DNAH5: variants seen among roughly 807,000 people sequenced by gnomAD.
The protein encoded by DNAH5 is axonemal beta dynein heavy chain 5.
Under a neutral mutation model 518.2 loss-of-function variants are expected in DNAH5, and 372 were observed. The observed-to-expected ratio is 0.72, with a 90% CI of 0.66 to 0.78. DNAH5 has a LOEUF of 0.78. Among genes scored for constraint, DNAH5 ranks in the 30% least tolerant of loss-of-function variants. The pLI, the probability that DNAH5 is intolerant of heterozygous loss-of-function variation, is 0.00. For synonymous variants in DNAH5, 2,039 were observed against 2,025.9 expected (o/e 1.01, Z -0.17); for missense variants, 5,523 against 5,687.0 (o/e 0.97, Z 0.93).
chr5:13,727,749 C>A (rs1407983226), intron 69 of DNAH5, 93 bp from the exon 70 acceptor site: 4 of 1,331,506 alleles, frequency 3.0e-6, no homozygotes, highest in Non-Finnish European at 3.2e-6. Flanking sequence ...TCTGACCTCT[C>A]CAGATATGTG....
chr5:13,901,961 A>T, intron 13 of DNAH5, 92 bp downstream of exon 13: 1 of 991,338 alleles, frequency 1.0e-6, no homozygotes, highest in African/African-American at 1.6e-5. Context: ...TTTCCTTTCC[A>T]TCAGAATATG....
intron 1 of DNAH5, among the ~76,000 whole-genome samples, chr5:13,988,018 GA>G (rs1783183927): frequency 6.6e-6 from 1 of 152,100 alleles, no homozygotes; most frequent in Non-Finnish European, 1.5e-5. Context: ...CATTTCATGG[GA>G]AGCCGCTAGG....
chr5:13,816,414 G>C (rs535293081), intron 42 of DNAH5, among the ~76,000 whole-genome samples: 1 of 152,098 alleles, frequency 6.6e-6, no homozygotes, highest in East Asian at 1.9e-4. Context: ...AACAACCGTG[G>C]GATAGTCTAT....
At chr5:13,907,961 T>C (rs1042545905) in intron 12 of DNAH5, among the ~76,000 whole-genome samples, 10 of 152,180 alleles carry the variant, frequency 6.6e-5, no homozygotes, top group African/African-American at 2.2e-4. Context: ...ATGGGTTTGA[T>C]TTCAGATAAT....
intron 43 of DNAH5, 26 bp from the exon 44 acceptor site, chr5:13,811,849 C>A: frequency 6.2e-7 from 1 of 1,612,782 alleles, no homozygotes; most frequent in South Asian, 1.1e-5. Flanking sequence ...CAAGTGTATT[C>A]ATGAAACTTA....
At chr5:13,749,611 T>C (rs954039300) in intron 65 of DNAH5, among the ~76,000 whole-genome samples, 4 of 152,170 alleles carry the variant, frequency 2.6e-5, no homozygotes, top group African/African-American at 9.7e-5. Flanking sequence ...ATTCATTCAG[T>C]TGAATATAAG....
intron 11 of DNAH5, among the ~76,000 whole-genome samples, chr5:13,912,738 T>C (rs1287482279): frequency 6.6e-6 from 1 of 151,870 alleles, no homozygotes. Flanking sequence ...GTAGTAATTT[T>C]AAAGATTTGG....
intron 69 of DNAH5, among the ~76,000 whole-genome samples, chr5:13,728,462 C>A (rs901474485): frequency 2.0e-5 from 3 of 152,138 alleles, no homozygotes; most frequent in African/African-American, 7.2e-5. Context: ...ATAATAACTT[C>A]TTTCGATCTT....
At chr5:13,865,179 G>C (rs1273732105) in intron 27 of DNAH5, among the ~76,000 whole-genome samples, 3 of 151,888 alleles carry the variant, frequency 2.0e-5, no homozygotes, top group Non-Finnish European at 4.4e-5. Context: ...ATTTTTAATA[G>C]AGATGGGGTT....
At chr5:13,960,913 C>T (rs1781131557) in intron 1 of DNAH5, among the ~76,000 whole-genome samples, 1 of 152,234 alleles carries the variant, frequency 6.6e-6, no homozygotes, top group Admixed American at 6.5e-5. Context: ...CTTAGTTCCA[C>T]AAGAAGAGAG....
intron 55 of DNAH5, among the ~76,000 whole-genome samples, chr5:13,772,770 G>A (rs976245906): frequency 6.5e-5 from 4 of 61,126 alleles, no homozygotes; most frequent in Admixed American, 5.4e-4. Flanking sequence ...ACATAATAAT[G>A]TAATATTTTA....
intron 48 of DNAH5, 78 bp downstream of exon 48, chr5:13,793,858 A>C (rs765589933): frequency 6.4e-7 from 1 of 1,558,552 alleles, no homozygotes; most frequent in Admixed American, 1.9e-5. Flanking sequence ...AAAAACTTAA[A>C]AAAAATTTTT....
rs371810104 is a variant in DNAH5, at chr5:13,794,053, C to T, written c.7893G>A (p.Thr2631=). 24 of 1,613,828 alleles carry T rather than the reference C, an allele frequency of 1.5e-5. No homozygotes were observed. The highest frequency in any genetic ancestry group is 1.1e-4 in the African/African-American group (8 of 74,878). ...SATTPLMFQR[T]IESYVDKRMG... ...TTCGTTTATCCACATAGCTCTCTAT[C>T]GTCCTCTGTGAAAAAAAAATCAACT... The change falls in exon 48 of 79, where the codon ACG becomes ACA. Residue 2631 remains threonine (T), a synonymous_variant. Transcript: ENST00000265104.
intron 30 of DNAH5, among the ~76,000 whole-genome samples, chr5:13,858,369 G>A (rs1460520679): frequency 6.6e-6 from 1 of 152,166 alleles, no homozygotes; most frequent in East Asian, 1.9e-4. Context: ...GTTGAACAAT[G>A]AGAACATATG....
chr5:13,997,746 C>A (rs1210757302), intron 1 of DNAH5, among the ~76,000 whole-genome samples: 1 of 152,180 alleles, frequency 6.6e-6, no homozygotes, highest in Admixed American at 6.6e-5. Context: ...CAGCACCCCA[C>A]TTCTGGTACC....
rs77312882 is a variant in DNAH5 at position 13,989,058 on chromosome 5, T to C, written c.12+22590A>G. Among the ~76,000 whole-genome samples the C allele has an allele frequency of 3.9e-4, 59 of 152,018 alleles. 1 individual carries two copies. In the East Asian group the frequency reaches 9.1e-3, roughly 23 times the overall value. On this transcript the variant is annotated intron_variant, in intron 1 of 78. Coordinates refer to the DNAH5 transcript ENST00000681290. ...GTCTTTTAGAACAGCATTTCTGAAA[T>C]GCAGCCCGGGGAGAGATGGAGGGTG...
rs1777634839 is a variant in DNAH5, at chr5:13,924,390, A to G, written c.278-950T>C. ...TATTCACATCTTAAAAATGAGAATA[A>G]TATGGCCGGGCGTGGTGGCTCATGC... On this transcript the variant is annotated intron_variant, in intron 3 of 78. Transcript: ENST00000265104. 2.0e-5 allele frequency among the ~76,000 whole-genome samples: 3 copies of G among 152,124 alleles called. No homozygotes were observed. The South Asian group carries it at 6.2e-4, about 32-fold the overall frequency.
rs142330636 is a variant in DNAH5, at chr5:13,823,022, A to G, written c.6687+241T>C. ...ATCTGCTATGGAATGGTTTCCACCA[A>G]TAATAGGGCTACTCGCACATGACTA... On this transcript the variant is annotated intron_variant, in intron 40 of 78. Coordinates refer to ENST00000265104, the MANE Select transcript of DNAH5 (RefSeq NM_001369.3). Among the ~76,000 whole-genome samples the G allele has an allele frequency of 4.5e-3, 689 of 152,326 alleles. 8 individuals carry two copies. The highest frequency in any genetic ancestry group is 0.024 in the Admixed American group (366 of 15,296).
intron 67 of DNAH5, among the ~76,000 whole-genome samples, 172 bp downstream of exon 67, chr5:13,735,646 G>A (rs1341360381): frequency 6.6e-6 from 1 of 152,140 alleles, no homozygotes; most frequent in Non-Finnish European, 1.5e-5. Context: ...TTTTCTCTGG[G>A]CATAAAATGG....
Sources: allele counts gnomAD v4.1 joint callset (sites outside exome capture counted in the v4.1 genomes callset), GRCh38; gene constraint gnomAD v4.1.1; transcripts MANE v1.5; gene names NCBI Gene and HGNC (gene_info 2026-07-23, HGNC 2026-07-21).